PHIP: variants seen among roughly 807,000 people sequenced by gnomAD.
PHIP encodes PH-interacting protein.
A neutral mutation model predicts 236.8 loss-of-function variants in PHIP; 54 were observed. The ratio of observed to expected loss-of-function variants is 0.23; its 90% CI spans 0.18 to 0.29. PHIP has a LOEUF of 0.29. Ranked by LOEUF, PHIP falls within the 10% of genes least tolerant of loss-of-function variation. The probability of loss-of-function intolerance (pLI) is 1.00; values close to 1 mark genes in which losing one functional copy is unlikely to be tolerated. For synonymous variants in PHIP, 756 were observed against 718.9 expected, an observed-to-expected ratio of 1.05 and a Z score of -0.83; for missense variants, 1,370 against 2,190.8, an observed-to-expected ratio of 0.63 and a Z score of 7.48.
intron 7 of PHIP, 96 bp downstream of exon 7, chr6:79,042,747 A>G: frequency 2.3e-6 from 2 of 884,566 alleles, no homozygotes; most frequent in Non-Finnish European, 3.2e-6. Context: ...TTCCTATTAA[A>G]AGAAAAAAAA....
rs373838156 is a variant in PHIP, at chr6:78,955,481, GT to G, written c.3852+131del. 0.1 allele frequency: 44,641 copies of G among 430,728 alleles called. 986 individuals carry two copies. Among genetic ancestry groups the G allele is most frequent in the Non-Finnish European group, 0.12 (30,007 of 242,228 alleles). The allele number at this position is 430,728 out of a possible 1,614,324, so 26.7% of individuals were successfully genotyped here. A position where few individuals can be genotyped will look rare whatever the true frequency, so the allele number is the denominator to read the frequency against. ...TAAGAAGAATATTCTACTGCCAGTT[GT>G]TTTTTTTTTTTAAATTAACTACACT... On this transcript the variant is annotated intron_variant, in intron 33 of 39. Transcript: ENST00000275034.
chr6:79,063,297 C>T lies in PHIP; in HGVS notation c.190-2479G>A, dbSNP rs143209586. On this transcript the variant is annotated intron_variant, in intron 4 of 39. Transcript: ENST00000275034. ...ATGAAGATTTAAGAATATGCAGAAA[C>T]GACTGACTTCCCCACTCTCAAAAAA... Among the ~76,000 whole-genome samples the T allele has an allele frequency of 1.9e-3, 282 of 152,292 alleles. 1 individual carries two copies. The highest frequency in any genetic ancestry group is 3.4e-3 in the Non-Finnish European group (230 of 68,020).
chr6:79,077,897 G>A lies in PHIP; in HGVS notation c.57C>T (p.Ile19=), dbSNP rs1289919645. 7.5e-6 allele frequency: 12 copies of A among 1,591,708 alleles called. No homozygotes were observed. The highest frequency in any genetic ancestry group is 1.0e-5 in the Non-Finnish European group (12 of 1,170,498). ...AGGGTCCATCTTCCAGGAACCGGGC[G>A]ATGAGGAAGTAGAGCTCTGCGCGGG... ...SELRSELYFL[I]ARFLEDGPCQ... The change falls in exon 2 of 40, where the codon ATC becomes ATT. Residue 19 remains isoleucine (I), a synonymous_variant. Transcript: ENST00000275034.
Position 79,026,134 on chromosome 6 carries a change from C to T in PHIP, c.631G>A (p.Ala211Thr), listed in dbSNP as rs1371788682. The T allele has an allele frequency of 3.7e-6, 6 of 1,613,450 alleles. No homozygotes were observed. The highest frequency in any genetic ancestry group is 3.4e-6 in the Non-Finnish European group (4 of 1,179,478). Residue 211 changes from alanine (A) to threonine (T), a missense_variant, in exon 8 of 40, where the codon GCA (alanine) becomes ACA (threonine). Transcript: ENST00000275034. ...GCTAACAACCTCCCATCATCTGTTGCCCATATTTTCACAAGACAGTCATCA... is the reference window on the plus strand; with the variant it reads ...GCTAACAACCTCCCATCATCTGTTGTCCATATTTTCACAAGACAGTCATCA... ...GSDDCLVKIWATDDGRLLATL... is the reference protein window; with the variant it reads ...GSDDCLVKIWTTDDGRLLATL...
chr6:79,034,687 C>T (rs905319086), intron 7 of PHIP, among the ~76,000 whole-genome samples: 1 of 152,114 alleles, frequency 6.6e-6, no homozygotes, highest in African/African-American at 2.4e-5. Flanking sequence ...GAAATACAGG[C>T]CTTTCTATGC....
chr6:78,982,760 T>C, intron 23 of PHIP, 126 bp downstream of exon 23: 1 of 605,648 alleles, frequency 1.7e-6, no homozygotes, highest in African/African-American at 1.9e-5. Context: ...ACTGTGTATT[T>C]CTGAGTTTTT....
intron 39 of PHIP, 76 bp from the exon 40 acceptor site, chr6:78,941,406 C>T (rs1765902860): frequency 1.0e-6 from 1 of 961,716 alleles, no homozygotes. Context: ...CAGTAAGGCC[C>T]CATTGGTATA....
chr6:79,004,189 G>A (rs1770162748), intron 15 of PHIP, among the ~76,000 whole-genome samples: 1 of 151,906 alleles, frequency 6.6e-6, no homozygotes, highest in Non-Finnish European at 1.5e-5. Context: ...GTTCAATCAT[G>A]CCCTTTCTGC....
In PHIP at chr6:78,962,805, A is replaced by G. The variant is rs3805747; in HGVS notation, c.3535+292T>C. Among the ~76,000 whole-genome samples the G allele has an allele frequency of 0.45, 68,931 of 151,934 alleles. 16,236 individuals are homozygous for G. Among genetic ancestry groups the G allele is most frequent in the East Asian group, 0.69 (3,559 of 5,168 alleles). On this transcript the variant is annotated intron_variant, in intron 30 of 39. Transcript: ENST00000275034. Reference sequence around the variant, plus strand: ...TCCAATTCATATCATGTCAGCCTGAATATGTCAAGTGTTTTAAATTGGGTT... The same window carrying G: ...TCCAATTCATATCATGTCAGCCTGAGTATGTCAAGTGTTTTAAATTGGGTT...
Position 78,970,186 on chromosome 6 carries a change from G to C in PHIP, c.2998-13C>G, listed in dbSNP as rs758778439. ...TAAGTTCTTGTTCCTGAGAGAGACA[G>C]AGAATATAAGGAACCATCTTTACAA... On this transcript the variant is annotated splice_polypyrimidine_tract_variant and intron_variant, in intron 25 of 39. Coordinates refer to ENST00000275034, the MANE Select transcript of PHIP (RefSeq NM_017934.7). The C allele has an allele frequency of 4.4e-6, 7 of 1,605,532 alleles. No individual in the cohort carries two copies. Among genetic ancestry groups the C allele is most frequent in the Admixed American group, 1.7e-5 (1 of 59,416 alleles).
chr6:79,015,684 G>A lies in PHIP; in HGVS notation c.1335C>T (p.Asn445=), dbSNP rs1770802184. 2 of 1,606,548 alleles carry A rather than the reference G, an allele frequency of 1.2e-6. No homozygotes were observed. The highest frequency in any genetic ancestry group is 1.7e-6 in the Non-Finnish European group (2 of 1,173,778). ...HDNTVITAVN[N]MTLKVWNSYT... ...AAGAATTCCAAACTTTCAGAGTCATGTTATTAACTGCAGTTATAACTGTAT... is the reference window on the plus strand; with the variant it reads ...AAGAATTCCAAACTTTCAGAGTCATATTATTAACTGCAGTTATAACTGTAT... The change falls in exon 14 of 40, where the codon AAC becomes AAT. Residue 445 remains asparagine, a synonymous_variant. Coordinates refer to ENST00000275034, the MANE Select transcript of PHIP (RefSeq NM_017934.7).
At chr6:79,051,737 A>G (rs1360326621) in intron 6 of PHIP, among the ~76,000 whole-genome samples, 2 of 152,200 alleles carry the variant, frequency 1.3e-5, no homozygotes, top group African/African-American at 2.4e-5. Context: ...GGTAGATATG[A>G]TAATTATTAG....
At position 78,970,787 on chromosome 6, in the gene PHIP, C is replaced by T. The variant is rs1368023481; in HGVS notation, c.2991G>A (p.Glu997=). The T allele has an allele frequency of 6.3e-7, 1 of 1,592,446 alleles. No homozygotes were observed. The highest frequency in any genetic ancestry group is 1.7e-5 in the Admixed American group (1 of 58,394). The change falls in exon 25 of 40, where the codon GAG becomes GAA. Residue 997 remains glutamate, a synonymous_variant. Coordinates refer to ENST00000275034, the MANE Select transcript of PHIP (RefSeq NM_017934.7). ...NPKKQPWHKM[E]LREQELMKIV... is the part of the protein sequence containing the mutation. ...TAATAAATCAATGTCATACCCGTAG[C>T]TCCATTTTATGCCATGGTTGTTTTT...
At chr6:79,077,940 C>A in intron 1 of PHIP, 27 bp from the exon 2 acceptor site, 9 of 1,592,628 alleles carry the variant, frequency 5.7e-6, no homozygotes, top group Non-Finnish European at 7.7e-6. Flanking sequence ...GACGGGGAGA[C>A]ACACAGGCTG....
chr6:78,961,128 T>C (rs1766750117), intron 31 of PHIP, among the ~76,000 whole-genome samples: 1 of 152,100 alleles, frequency 6.6e-6, no homozygotes, highest in East Asian at 1.9e-4. Context: ...CAAAATTACC[T>C]AGATAATGCA....
At chr6:78,949,461 CCAGA>C (rs1562117475) in intron 35 of PHIP, among the ~76,000 whole-genome samples, 1 of 152,050 alleles carries the variant, frequency 6.6e-6, no homozygotes, top group East Asian at 1.9e-4. Flanking sequence ...AGAGCTGGGA[CCAGA>C]CAACTAGATA....
At chr6:79,023,197 G>C (rs1214322480) in intron 9 of PHIP, among the ~76,000 whole-genome samples, 3 of 152,170 alleles carry the variant, frequency 2.0e-5, no homozygotes, top group Non-Finnish European at 4.4e-5. Context: ...TCTCACCTCA[G>C]ACCCCTGAGT....
chr6:78,982,934 A>G lies in PHIP; in HGVS notation c.2721T>C (p.Asp907=). The G allele has an allele frequency of 6.3e-7, 1 of 1,598,494 alleles. No homozygotes were observed. The highest frequency in any genetic ancestry group is 8.5e-7 in the Non-Finnish European group (1 of 1,174,196). The part of the protein sequence containing the change: ...KEKKKVNEEK[D]GPISPKKKKP... ...TCTTTTTCTTTGGTGATATTGGTCC[A>G]TCTTTTTCTTCATTTACTTTTTTCT... The change falls in exon 23 of 40, where the codon GAT becomes GAC. Residue 907 remains aspartate, a synonymous_variant. Coordinates refer to ENST00000275034, the MANE Select transcript of PHIP (RefSeq NM_017934.7).
intron 20 of PHIP, among the ~76,000 whole-genome samples, chr6:78,988,815 A>C (rs1313797146): frequency 6.6e-6 from 1 of 152,080 alleles, no homozygotes; most frequent in Non-Finnish European, 1.5e-5. Context: ...TTCTGTATCT[A>C]CATCAAACCT....
Sources: gnomAD v4.1 joint callset for allele counts (sites outside exome capture counted in the v4.1 genomes callset) on GRCh38, gnomAD v4.1.1 for gene constraint, MANE v1.5 for transcripts, NCBI Gene and HGNC (gene_info 2026-07-23, HGNC 2026-07-21) for gene names.